Variants in RANGAP1 observed in about 807,000 individuals in gnomAD.
The protein encoded by RANGAP1 is ran GTPase-activating protein 1.
A neutral mutation model predicts 63.5 loss-of-function variants in RANGAP1; 38 were observed. The ratio of observed to expected loss-of-function variants is 0.60; its 90% confidence interval spans 0.46 to 0.78. RANGAP1 has a LOEUF of 0.78. Ranked by LOEUF, RANGAP1 falls within the 30% of genes least tolerant of loss-of-function variation. The probability of loss-of-function intolerance (pLI) is 0.00; values close to 1 mark genes in which losing one functional copy is unlikely to be tolerated. For missense variants in RANGAP1, 630 were observed against 740.3 expected, an observed-to-expected ratio of 0.85 and a Z score of 1.73; for synonymous variants, 329 against 310.5, an observed-to-expected ratio of 1.06 and a Z score of -0.63.
rs1461563832 is a variant in RANGAP1, at chr22:41,268,148, G to A, written c.249C>T (p.His83=). The A allele has an allele frequency of 2.6e-6, 4 of 1,553,694 alleles. No individual in the cohort carries two copies. The highest frequency in any genetic ancestry group is 3.5e-6 in the Non-Finnish European group (4 of 1,147,206). Residue 83 remains histidine (H), a synonymous_variant, in exon 4 of 16, where the codon CAC becomes CAT. Coordinates refer to ENST00000356244, the MANE Select transcript of RANGAP1 (RefSeq NM_002883.4). ...LEKKSELKRC[H]WSDMFTGRLR... is the part of the protein sequence containing the mutation. ...GCCTTCCCGTGAACATGTCACTCCA[G>A]TGGCAGCGCTGCAACGGAAAGAAGA...
At position 41,254,365 on chromosome 22, in the gene RANGAP1, TCG is replaced by T. The variant is rs1177057980; in HGVS notation, c.1201_1202del (p.Gly402AlafsTer16). The T allele has an allele frequency of 6.2e-7, 1 of 1,614,032 alleles. No homozygotes were observed. The highest frequency in any genetic ancestry group is 1.7e-5 in the Admixed American group (1 of 60,002). On this transcript the variant is annotated frameshift_variant, in exon 11 of 16. Transcript: ENST00000356244. LOFTEE classifies it high-confidence loss of function. ...GCGTGGCTGACTTCTCTCCCTGCCC[TCG>T]CTGCTGAGGCTCTTCTTCCTCCTCC... is the stretch of plus-strand genomic sequence containing the variant. ...EEEEEEEPQQRGQGEKSATPS... is the reference protein window; with the variant it reads ...EEEEEEEPQQXGQGEKSATPS...
chr22:41,268,427 G>A (rs943944968), intron 3 of RANGAP1, among the ~76,000 whole-genome samples: 2 of 152,078 alleles, frequency 1.3e-5, no homozygotes, highest in Non-Finnish European at 2.9e-5. Context: ...GGCAAATTTT[G>A]TATTTTTAGT....
intron 3 of RANGAP1, among the ~76,000 whole-genome samples, chr22:41,271,976 G>C (rs1457554501): frequency 2.0e-5 from 3 of 152,224 alleles, no homozygotes; most frequent in Admixed American, 6.5e-5. Flanking sequence ...ATCTGTAGCA[G>C]GCGGGAAGGT....
upstream of RANGAP1, among the ~76,000 whole-genome samples, chr22:41,286,720 A>G (rs2035762026): frequency 6.6e-6 from 1 of 152,250 alleles, no homozygotes; most frequent in Non-Finnish European, 1.5e-5. Context: ...ACTATCGTAG[A>G]GAAGCTCCGC....
the RANGAP1 span, among the ~76,000 whole-genome samples, chr22:41,292,393 G>T: frequency 6.6e-6 from 1 of 151,812 alleles, no homozygotes; most frequent in Admixed American, 6.6e-5. Context: ...CAGATGATCT[G>T]CCCGCCTCTG....
rs777010235 is a variant in RANGAP1, at chr22:41,254,481, C to T, written c.1087G>A (p.Glu363Lys). Reference sequence around the variant, plus strand: ...TCTTCTCCTTCCTCCTCCTCCTCCTCGTCCTCGTCATCACTGCAGAAAGAG... The same window carrying T: ...TCTTCTCCTTCCTCCTCCTCCTCCTTGTCCTCGTCATCACTGCAGAAAGAG... ...VLASLSDDEDEEEEEEGEEEE... is the reference protein window; with the variant it reads ...VLASLSDDEDKEEEEEGEEEE... Residue 363 changes from glutamate to lysine, a missense_variant, in exon 11 of 16, where the codon GAG becomes AAG. Physicochemically the swap from Glu to Lys is moderately conservative, Grantham distance 56. Coordinates refer to ENST00000356244, the MANE Select transcript of RANGAP1 (RefSeq NM_002883.4). The T allele has an allele frequency of 2.5e-6, 4 of 1,595,534 alleles. No homozygotes were observed. Among genetic ancestry groups the T allele is most frequent in the South Asian group, 1.1e-5 (1 of 87,962 alleles).
intron 2 of RANGAP1, among the ~76,000 whole-genome samples, chr22:41,277,138 C>T (rs1207123493): frequency 2.6e-5 from 3 of 116,822 alleles, no homozygotes; most frequent in African/African-American, 1.0e-4. Flanking sequence ...AGTGCAGTGG[C>T]GGGATCTCGG....
chr22:41,298,377 C>G, the RANGAP1 span, among the ~76,000 whole-genome samples: 1 of 151,806 alleles, frequency 6.6e-6, no homozygotes, highest in Non-Finnish European at 1.5e-5. Context: ...TGCAATGGCG[C>G]GATCTCGGCT....
intron 4 of RANGAP1, among the ~76,000 whole-genome samples, chr22:41,266,201 CAAAAAA>C (rs35457855): frequency 8.5e-6 from 1 of 117,892 alleles, no homozygotes; most frequent in Non-Finnish European, 1.8e-5. Flanking sequence ...GACTCCGCCT[CAAAAAA>C]AAAAAAAAAG....
chr22:41,283,526 CAACAACAACAAAAAGGCATT>C (rs989888660), intron 1 of RANGAP1, among the ~76,000 whole-genome samples: 8 of 151,870 alleles, frequency 5.3e-5, no homozygotes, highest in Admixed American at 4.6e-4. Context: ...CAAATAACAA[CAACAACAACAAAAAGGCATT>C]AACAACAACA....
chr22:41,294,285 C>A, the RANGAP1 span, among the ~76,000 whole-genome samples: 4 of 152,202 alleles, frequency 2.6e-5, no homozygotes, highest in Non-Finnish European at 5.9e-5. Flanking sequence ...AGCTCCTAAC[C>A]GCGAGTGATG....
At chr22:41,293,622 C>CA in the RANGAP1 span, among the ~76,000 whole-genome samples, 2 of 151,144 alleles carry the variant, frequency 1.3e-5, no homozygotes, top group Non-Finnish European at 3.0e-5. Context: ...ACTAAAACTA[C>CA]AAAAAAATTA....
the RANGAP1 span, among the ~76,000 whole-genome samples, chr22:41,297,642 C>T: frequency 6.6e-6 from 1 of 150,806 alleles, no homozygotes; most frequent in Non-Finnish European, 1.5e-5. Context: ...TCTGGGCTCA[C>T]CCTCCTGAAT....
intron 4 of RANGAP1, 125 bp downstream of exon 4, chr22:41,267,972 T>C (rs1213759500): frequency 9.7e-7 from 1 of 1,034,984 alleles, no homozygotes; most frequent in South Asian, 1.5e-5. Context: ...CGGGCTTCCA[T>C]TCCAGCAGCT....
In RANGAP1 at chr22:41,257,760, C is replaced by T. The variant is rs779460308; in HGVS notation, c.774+188G>A. On this transcript the variant is annotated intron_variant, in intron 7 of 15. Transcript: ENST00000356244. The surrounding 1 kb of genome is among the most constrained non-coding windows in gnomAD (Gnocchi z 4.0). The stretch of plus-strand genomic sequence containing the variant: ...AAGAATCAGAGCTGCCCGAGGAGGG[C>T]GTGGGTTACCTTGGGACCTGCAACC... Among the ~76,000 whole-genome samples the T allele has an allele frequency of 2.0e-5, 3 of 152,294 alleles. No individual in the cohort carries two copies. Among genetic ancestry groups the T allele is most frequent in the Middle Eastern group, 3.4e-3 (1 of 294 alleles).
In RANGAP1 at chr22:41,249,769, G is replaced by A; in HGVS notation, c.1532C>T (p.Thr511Ile). 1 of 1,614,166 alleles carries A rather than the reference G, an allele frequency of 6.2e-7. No individual in the cohort carries two copies. The highest frequency in any genetic ancestry group is 1.1e-5 in the South Asian group (1 of 91,090). Residue 511 changes from threonine to isoleucine, a missense_variant, in exon 14 of 16, where the codon ACC becomes ATC. Thr to Ile is a moderately conservative substitution (Grantham distance 89). Transcript: ENST00000356244. ...GTGCACGAGCAGCCTGGTGAGGAAGGTGTTGGAGTTGAAGGACGAGGAGTT... is the reference window on the plus strand; with the variant it reads ...GTGCACGAGCAGCCTGGTGAGGAAGATGTTGGAGTTGAAGGACGAGGAGTT... ...AFNSSSFNSN[T>I]FLTRLLVHMG...
At chr22:41,289,328 A>G (rs1458821134), upstream of RANGAP1, among the ~76,000 whole-genome samples, 1 of 152,044 alleles carries the variant, frequency 6.6e-6, no homozygotes, top group African/African-American at 2.4e-5. Flanking sequence ...ATCAAGAATC[A>G]TCACTGTTTC....
chr22:41,256,585 G>T, intron 8 of RANGAP1, 126 bp downstream of exon 8: 1 of 788,976 alleles, frequency 1.3e-6, no homozygotes, highest in Non-Finnish European at 2.0e-6. Context: ...AGCATCACAG[G>T]GCCCGAAGTG....
chr22:41,289,503 AT>A (rs2035813490), upstream of RANGAP1, among the ~76,000 whole-genome samples: 1 of 151,834 alleles, frequency 6.6e-6, no homozygotes, highest in Non-Finnish European at 1.5e-5. Flanking sequence ...GACACCTGTA[AT>A]CCCAGCTACT....
Sources: gnomAD v4.1 joint callset for allele counts (sites outside exome capture counted in the v4.1 genomes callset) on GRCh38, gnomAD v4.1.1 for gene constraint, Gnocchi (gnomAD v3.1) non-coding constraint, MANE v1.5 for transcripts, NCBI Gene and HGNC (gene_info 2026-07-23, HGNC 2026-07-21) for gene names.